AGBL4: variants seen among roughly 807,000 people sequenced by gnomAD.
AGBL4 encodes cytosolic carboxypeptidase 6.
Under a neutral mutation model 66.4 loss-of-function variants are expected in AGBL4, and 58 were observed. That is an observed-to-expected ratio of 0.87 (90% CI 0.71 to 1.09). The LOEUF (loss-of-function observed/expected upper bound fraction) is 1.09. AGBL4 is among the 50% of genes least tolerant of loss of function. AGBL4 has a pLI of 0.00. For synonymous variants in AGBL4, 234 were observed against 222.9 expected, an observed-to-expected ratio of 1.05 and a Z score of -0.44; for missense variants, 579 against 631.0, an observed-to-expected ratio of 0.92 and a Z score of 0.88.
intron 3 of AGBL4, among the ~76,000 whole-genome samples, chr1:49,691,973 C>G (rs890636203): frequency 6.6e-6 from 1 of 152,058 alleles, no homozygotes; most frequent in African/African-American, 2.4e-5. Flanking sequence ...TGAGTTAATA[C>G]TTAATAAACT....
chr1:49,876,936 C>T (rs1484558266), intron 1 of AGBL4, among the ~76,000 whole-genome samples: 2 of 151,428 alleles, frequency 1.3e-5, no homozygotes, highest in Non-Finnish European at 2.9e-5. Context: ...AATGGGAGTT[C>T]ACTCATTATT....
At chr1:49,144,525 CTACA>C in intron 4 of AGBL4, among the ~76,000 whole-genome samples, 1 of 80,576 alleles carries the variant, frequency 1.2e-5, no homozygotes, top group South Asian at 5.2e-4. Context: ...TTTACCTAAT[CTACA>C]CACACACACA....
chr1:49,212,437 T>C (rs1488788073), intron 4 of AGBL4, among the ~76,000 whole-genome samples: 2 of 152,162 alleles, frequency 1.3e-5, no homozygotes, highest in Non-Finnish European at 2.9e-5. Context: ...GTCTGAACAC[T>C]GACGTTATCA....
At chr1:48,791,581 A>C (rs1645551157) in intron 6 of AGBL4, among the ~76,000 whole-genome samples, 1 of 152,224 alleles carries the variant, frequency 6.6e-6, no homozygotes, top group South Asian at 2.1e-4. Flanking sequence ...GTAAGAGAAA[A>C]GGCAGTAGAA....
intron 5 of AGBL4, among the ~76,000 whole-genome samples, chr1:48,932,845 C>T (rs1339623610): frequency 6.6e-6 from 1 of 151,730 alleles, no homozygotes; most frequent in Non-Finnish European, 1.5e-5. Flanking sequence ...CAAAACAAAA[C>T]AAAACAAAAA....
intron 3 of AGBL4, among the ~76,000 whole-genome samples, chr1:49,612,063 T>C (rs968688834): frequency 2.6e-5 from 4 of 152,230 alleles, no homozygotes; most frequent in Admixed American, 6.5e-5. Flanking sequence ...TGAGATTTTA[T>C]AGGTTAACAA....
intron 4 of AGBL4, among the ~76,000 whole-genome samples, chr1:49,195,068 C>G (rs1457185773): frequency 1.3e-5 from 2 of 151,988 alleles, no homozygotes; most frequent in Admixed American, 6.6e-5. Context: ...TATTGAATTC[C>G]TAGCTTCAAG....
intron 2 of AGBL4, among the ~76,000 whole-genome samples, chr1:49,820,481 CTG>C (rs1645341074): frequency 1.3e-5 from 2 of 152,138 alleles, no homozygotes; most frequent in South Asian, 4.1e-4. Context: ...TCTCCATCAA[CTG>C]TGAGATGATG....
At chr1:49,816,486 T>C (rs1001845164) in intron 2 of AGBL4, among the ~76,000 whole-genome samples, 2 of 152,140 alleles carry the variant, frequency 1.3e-5, no homozygotes, top group South Asian at 4.1e-4. Flanking sequence ...TATCCAGCGA[T>C]TGGTAAAAAT....
At chr1:49,489,196 T>C (rs1647135005) in intron 3 of AGBL4, among the ~76,000 whole-genome samples, 1 of 151,848 alleles carries the variant, frequency 6.6e-6, no homozygotes, top group Non-Finnish European at 1.5e-5. Flanking sequence ...TTTCATTTGT[T>C]ATTGCCTGAC....
chr1:48,645,964 C>T (rs1004374879), intron 8 of AGBL4, among the ~76,000 whole-genome samples: 6 of 152,096 alleles, frequency 3.9e-5, no homozygotes, highest in Admixed American at 1.3e-4. Context: ...TGGGGAGTGG[C>T]GAAGGGTGGG....
intron 9 of AGBL4, among the ~76,000 whole-genome samples, chr1:48,628,683 G>A (rs1645543885): frequency 6.6e-6 from 1 of 151,862 alleles, no homozygotes; most frequent in Non-Finnish European, 1.5e-5. Context: ...CCATTCCATT[G>A]CTCAGATTTT....
At chr1:49,072,168 G>A (rs1437995856) in intron 4 of AGBL4, among the ~76,000 whole-genome samples, 3 of 152,146 alleles carry the variant, frequency 2.0e-5, no homozygotes, top group Non-Finnish European at 4.4e-5. Flanking sequence ...CCTGAATACA[G>A]CATACCAATG....
intron 2 of AGBL4, among the ~76,000 whole-genome samples, chr1:49,832,694 T>C (rs1159662102): frequency 2.0e-5 from 3 of 151,934 alleles, no homozygotes; most frequent in Admixed American, 2.0e-4. Flanking sequence ...CCATTCTAAC[T>C]GGTGTGAGAT....
chr1:49,061,075 G>A (rs1644393465), intron 4 of AGBL4, among the ~76,000 whole-genome samples: 1 of 152,198 alleles, frequency 6.6e-6, no homozygotes, highest in African/African-American at 2.4e-5. Context: ...AGACTGCAAA[G>A]GAGAAGAATG....
At chr1:49,115,449 A>C (rs1009320988) in intron 4 of AGBL4, among the ~76,000 whole-genome samples, 1 of 152,234 alleles carries the variant, frequency 6.6e-6, no homozygotes, top group African/African-American at 2.4e-5. Context: ...CATTGTGGAC[A>C]TGCTCTTAAA....
intron 3 of AGBL4, among the ~76,000 whole-genome samples, chr1:49,501,462 T>C (rs1648143895): frequency 6.6e-6 from 1 of 152,122 alleles, no homozygotes; most frequent in African/African-American, 2.4e-5. Flanking sequence ...AACAGTCTTT[T>C]GTGATCCTCT....
At chr1:48,825,411 T>C (rs1292632309) in intron 6 of AGBL4, among the ~76,000 whole-genome samples, 1 of 152,218 alleles carries the variant, frequency 6.6e-6, no homozygotes, top group Non-Finnish European at 1.5e-5. Context: ...TATCCCAGCA[T>C]AACTAGGACT....
chr1:49,463,082 G>T (rs1337676221), intron 3 of AGBL4, among the ~76,000 whole-genome samples: 2 of 151,716 alleles, frequency 1.3e-5, no homozygotes, highest in Non-Finnish European at 2.9e-5. Flanking sequence ...ACTTCCATGG[G>T]CCAGGACCTT....
Sources: allele counts gnomAD v4.1 joint callset (sites outside exome capture counted in the v4.1 genomes callset), GRCh38; gene constraint gnomAD v4.1.1; transcripts MANE v1.5; gene names NCBI Gene and HGNC (gene_info 2026-07-23, HGNC 2026-07-21).